MKLN1: variants seen among roughly 807,000 people sequenced by gnomAD.
MKLN1 encodes muskelin.
MKLN1 carries 18 observed loss-of-function variants against 99.0 expected under a neutral mutation model. The ratio of observed to expected loss-of-function variants is 0.18; its 90% CI spans 0.13 to 0.27. MKLN1 has a LOEUF of 0.27. Ranked by LOEUF, MKLN1 falls within the 10% of genes least tolerant of loss-of-function variation. The probability of loss-of-function intolerance (pLI) is 1.00; values close to 1 mark genes in which losing one functional copy is unlikely to be tolerated. For synonymous variants in MKLN1, 288 were observed against 293.2 expected (o/e 0.98, Z 0.18); for missense variants, 621 against 875.9 (o/e 0.71, Z 3.67).
intron 8 of MKLN1, among the ~76,000 whole-genome samples, chr7:131,417,656 G>GT (rs1159488807): frequency 1.3e-5 from 2 of 152,006 alleles, no homozygotes; most frequent in Non-Finnish European, 2.9e-5. Flanking sequence ...CTGTTTTTTT[G>GT]TTTTTATTTT....
At chr7:131,409,117 A>T (rs1794795425) in intron 6 of MKLN1, among the ~76,000 whole-genome samples, 1 of 152,174 alleles carries the variant, frequency 6.6e-6, no homozygotes, top group Non-Finnish European at 1.5e-5. Context: ...GGCATCTTTA[A>T]ATTTCTTATT....
At chr7:131,457,241 C>T (rs1796371188) in intron 12 of MKLN1, among the ~76,000 whole-genome samples, 1 of 151,028 alleles carries the variant, frequency 6.6e-6, no homozygotes, top group Non-Finnish European at 1.5e-5. Flanking sequence ...TGTGCCATTG[C>T]ACTCCAGCCT....
At position 131,314,548 on chromosome 7, in the gene MKLN1, G is replaced by A. The variant is rs573110650; in HGVS notation, c.-178-60876G>A. Among the ~76,000 whole-genome samples, 38 of 152,102 alleles carry A rather than the reference G, an allele frequency of 2.5e-4. 1 individual carries two copies. In the South Asian group the frequency reaches 2.7e-3, roughly 11 times the overall value. ...CACCATTCTCCTGCCTCAGCCTCCCGAGTAGCTGGGACTACAGGCACCTGC... is the reference window on the plus strand; with the variant it reads ...CACCATTCTCCTGCCTCAGCCTCCCAAGTAGCTGGGACTACAGGCACCTGC... On this transcript the variant is annotated intron_variant, in intron 3 of 7. Transcript: ENST00000416992.
At chr7:131,459,825 C>CACCCA (rs1796463503) in intron 12 of MKLN1, among the ~76,000 whole-genome samples, 1 of 152,060 alleles carries the variant, frequency 6.6e-6, no homozygotes, top group African/African-American at 2.4e-5. Flanking sequence ...TCAAACAGGA[C>CACCCA]ACCCAGTTCA....
intron 5 of MKLN1, among the ~76,000 whole-genome samples, chr7:131,397,628 TTAAA>T (rs1281687672): frequency 6.6e-6 from 1 of 152,182 alleles, no homozygotes; most frequent in Non-Finnish European, 1.5e-5. Context: ...AACAGAGAGA[TTAAA>T]TAGTTTGCCT....
chr7:131,262,174 G>A (rs972356978), intron 3 of MKLN1, among the ~76,000 whole-genome samples: 3 of 152,082 alleles, frequency 2.0e-5, no homozygotes, highest in South Asian at 2.1e-4. Flanking sequence ...AGTGGCTCAC[G>A]CCTGTAATCC....
chr7:131,307,558 T>G (rs1798486138), intron 3 of MKLN1, among the ~76,000 whole-genome samples: 1 of 152,210 alleles, frequency 6.6e-6, no homozygotes, highest in Non-Finnish European at 1.5e-5. Flanking sequence ...GGAGCCTACC[T>G]CTTGCATCAG....
chr7:131,112,171 C>T (rs1367115988), intron 1 of MKLN1, among the ~76,000 whole-genome samples: 2 of 152,156 alleles, frequency 1.3e-5, no homozygotes, highest in Admixed American at 6.5e-5. Flanking sequence ...ATAATGGCAT[C>T]GATAGCCTGG....
At chr7:131,315,294 TCAC>T (rs1365549040) in intron 3 of MKLN1, among the ~76,000 whole-genome samples, 1 of 151,876 alleles carries the variant, frequency 6.6e-6, no homozygotes, top group Non-Finnish European at 1.5e-5. Context: ...GGGCATTGCT[TCAC>T]CACGGAAGTG....
intron 7 of MKLN1, 112 bp downstream of exon 7, chr7:131,411,495 C>T: frequency 2.7e-6 from 2 of 739,692 alleles, no homozygotes; most frequent in Non-Finnish European, 4.7e-6. Flanking sequence ...AAGATGTTGG[C>T]CAGTTGCAGT....
chr7:131,274,643 CAA>C (rs10708074), intron 3 of MKLN1, among the ~76,000 whole-genome samples: 7,355 of 91,472 alleles, frequency 0.08, 225 homozygotes, highest in Non-Finnish European at 0.1. Flanking sequence ...GACCCTGTCT[CAA>C]AAAAAAAAAA....
intron 3 of MKLN1, among the ~76,000 whole-genome samples, chr7:131,278,228 G>A (rs367640083): frequency 1.3e-5 from 2 of 151,684 alleles, no homozygotes; most frequent in Admixed American, 6.6e-5. Flanking sequence ...TGTAGAGACA[G>A]GGTTTTGCCA....
At chr7:131,216,996 G>A (rs999173998) in intron 3 of MKLN1, among the ~76,000 whole-genome samples, 6 of 152,190 alleles carry the variant, frequency 3.9e-5, no homozygotes, top group Non-Finnish European at 7.3e-5. Context: ...TTGAGGAAAT[G>A]AGAGGCTAAA....
At chr7:131,278,103 C>T (rs371362474) in intron 3 of MKLN1, among the ~76,000 whole-genome samples, 19 of 152,062 alleles carry the variant, frequency 1.2e-4, no homozygotes, top group South Asian at 6.2e-4. Context: ...CATACAGTGG[C>T]GTGATCTCAG....
chr7:131,232,290 G>A (rs112659241), intron 3 of MKLN1, among the ~76,000 whole-genome samples: 200 of 152,266 alleles, frequency 1.3e-3, no homozygotes, highest in African/African-American at 4.5e-3. Flanking sequence ...ATAGATCCCA[G>A]TGATGTTATT....
At chr7:131,466,604 A>G (rs927388075) in intron 15 of MKLN1, among the ~76,000 whole-genome samples, 189 bp downstream of exon 15, 3 of 152,230 alleles carry the variant, frequency 2.0e-5, no homozygotes, top group Admixed American at 6.5e-5. Flanking sequence ...CTAAAAATTT[A>G]TAAATACAGA....
intron 8 of MKLN1, among the ~76,000 whole-genome samples, chr7:131,425,796 A>G (rs1346976670): frequency 6.6e-6 from 1 of 152,158 alleles, no homozygotes; most frequent in Non-Finnish European, 1.5e-5. Flanking sequence ...TACTGCAAAT[A>G]TTAATGCTTT....
chr7:131,374,939 C>CT (rs201782235), intron 1 of MKLN1, among the ~76,000 whole-genome samples: 11,720 of 136,632 alleles, frequency 0.086, 600 homozygotes, highest in East Asian at 0.2. Flanking sequence ...ACCCTGAAGT[C>CT]TTTTTTTTTT....
intron 1 of MKLN1, among the ~76,000 whole-genome samples, chr7:131,131,963 G>A (rs1330261193): frequency 6.6e-6 from 1 of 152,176 alleles, no homozygotes; most frequent in African/African-American, 2.4e-5. Flanking sequence ...CACATGACAT[G>A]TTCTAGGTTA....
Sources: allele counts gnomAD v4.1 joint callset (sites outside exome capture counted in the v4.1 genomes callset), GRCh38; gene constraint gnomAD v4.1.1; transcripts MANE v1.5; gene names NCBI Gene and HGNC (gene_info 2026-07-23, HGNC 2026-07-21).